The following STAC variants were observed in gnomAD, a reference collection of about 807,000 sequenced individuals.
The protein encoded by STAC is SH3 and cysteine rich domain, also known as SH3 and cysteine-rich domain-containing protein.
A neutral mutation model predicts 48.8 loss-of-function variants in STAC; 43 were observed. The ratio of observed to expected loss-of-function variants is 0.88; its 90% CI spans 0.69 to 1.14. The LOEUF (loss-of-function observed/expected upper bound fraction) is 1.14. Among genes scored for constraint, STAC ranks in the 50% most tolerant of loss-of-function variants. STAC has a pLI of 0.00. For missense variants in STAC, 497 were observed against 504.0 expected, an observed-to-expected ratio of 0.99 and a Z score of 0.13; for synonymous variants, 193 against 179.5, an observed-to-expected ratio of 1.07 and a Z score of -0.60.
At position 36,483,084 on chromosome 3, in the gene STAC, G is replaced by A. The variant is rs1697700522; in HGVS notation, c.481G>A (p.Gly161Ser). The A allele has an allele frequency of 1.9e-6, 3 of 1,613,696 alleles. No individual in the cohort carries two copies. In the East Asian group the frequency reaches 6.7e-5, roughly 36 times the overall value. The change falls in exon 3 of 11, where the codon GGC (glycine) becomes AGC (serine). Residue 161 changes from glycine to serine, a missense_variant. By Grantham distance (56) the Gly-to-Ser change is moderately conservative. Coordinates refer to ENST00000273183, the MANE Select transcript of STAC (RefSeq NM_003149.3). ...TDGLAPQRCM[G>S]KLPKGFRRYY... The stretch of plus-strand genomic sequence containing the variant: ...TGGCCTGGCACCCCAGCGGTGCATG[G>A]GCAAGCTGGTAAGGGCTTGTGCCAG...
intron 8 of STAC, among the ~76,000 whole-genome samples, chr3:36,516,205 A>C (rs1180665148): frequency 1.3e-5 from 2 of 151,524 alleles, no homozygotes; most frequent in Non-Finnish European, 2.9e-5. Context: ...GCTGGTCTCA[A>C]ACTCCTGACC....
intron 8 of STAC, among the ~76,000 whole-genome samples, chr3:36,513,080 T>C (rs757950727): frequency 6.6e-6 from 1 of 152,080 alleles, no homozygotes; most frequent in Non-Finnish European, 1.5e-5. Context: ...AGTGTGAGCT[T>C]GAAGACAAAG....
At chr3:36,401,438 C>T (rs546828332) in intron 1 of STAC, among the ~76,000 whole-genome samples, 1 of 152,252 alleles carries the variant, frequency 6.6e-6, no homozygotes, top group South Asian at 2.1e-4. Context: ...ACCTTAAGGA[C>T]CTCGATAGAA....
At chr3:36,502,983 G>C (rs1206669027) in intron 6 of STAC, among the ~76,000 whole-genome samples, 1 of 152,172 alleles carries the variant, frequency 6.6e-6, no homozygotes, top group African/African-American at 2.4e-5. Flanking sequence ...CATTTACAGA[G>C]GCTCTTGTTC....
At chr3:36,493,977 C>T (rs1698064476) in intron 6 of STAC, among the ~76,000 whole-genome samples, 1 of 150,924 alleles carries the variant, frequency 6.6e-6, no homozygotes, top group South Asian at 2.1e-4. Flanking sequence ...GGTGAAACCC[C>T]GTCTCTACTA....
chr3:36,515,731 T>C (rs1299464530), intron 8 of STAC, among the ~76,000 whole-genome samples: 2 of 152,050 alleles, frequency 1.3e-5, no homozygotes, highest in African/African-American at 4.8e-5. Context: ...TGCTTTCTAG[T>C]CTTGTCTTTG....
intron 1 of STAC, among the ~76,000 whole-genome samples, chr3:36,412,542 C>T (rs1008093143): frequency 1.3e-5 from 2 of 152,120 alleles, no homozygotes; most frequent in African/African-American, 4.8e-5. Context: ...AGACTGAGAA[C>T]TGCTTTAAGA....
intron 1 of STAC, among the ~76,000 whole-genome samples, chr3:36,393,841 AT>A (rs1699800278): frequency 6.6e-6 from 1 of 151,922 alleles, no homozygotes; most frequent in Non-Finnish European, 1.5e-5. Context: ...AGTCTGTGGT[AT>A]TCTTATTACA....
chr3:36,417,838 C>G (rs1700355039), intron 1 of STAC, among the ~76,000 whole-genome samples: 1 of 152,182 alleles, frequency 6.6e-6, no homozygotes, highest in South Asian at 2.1e-4. Flanking sequence ...CATTCCTTTG[C>G]AGATAATTAT....
At chr3:36,439,827 T>G (rs1438949191) in intron 1 of STAC, among the ~76,000 whole-genome samples, 1 of 152,140 alleles carries the variant, frequency 6.6e-6, no homozygotes, top group Admixed American at 6.5e-5. Context: ...AGGTGTCCTC[T>G]TCAAAACCAA....
At chr3:36,486,346 T>C (rs1022612420) in intron 5 of STAC, 97 bp downstream of exon 5, 2 of 1,066,424 alleles carry the variant, frequency 1.9e-6, no homozygotes, top group Non-Finnish European at 2.7e-6. Flanking sequence ...GACTGCCTCA[T>C]GAGGGCAGGT....
chr3:36,447,649 CCACACACACACACACA>C (rs3061960), intron 2 of STAC, among the ~76,000 whole-genome samples: 10 of 146,314 alleles, frequency 6.8e-5, no homozygotes, highest in East Asian at 2.0e-4. Flanking sequence ...TGTATACACA[CCACACACACACACACA>C]CACACACACA....
chr3:36,546,103 C>T (rs776475292), intron 10 of STAC, 88 bp from the exon 11 acceptor site: 32 of 1,074,604 alleles, frequency 3.0e-5, no homozygotes, highest in Non-Finnish European at 4.2e-5. Context: ...CTCCTGCAAC[C>T]TCAGTCAGCA....
At chr3:36,448,428 C>T (rs1696581804) in intron 2 of STAC, among the ~76,000 whole-genome samples, 1 of 151,906 alleles carries the variant, frequency 6.6e-6, no homozygotes. Flanking sequence ...CGCATGTTGG[C>T]CAGGCTGGTC....
At chr3:36,381,171 A>G (rs62245719) in intron 1 of STAC, among the ~76,000 whole-genome samples, 34,901 of 152,040 alleles carry the variant, frequency 0.23, 4,734 homozygotes, top group African/African-American at 0.39. Flanking sequence ...TATGTATCCC[A>G]AGGGTCTCAG....
intron 2 of STAC, among the ~76,000 whole-genome samples, chr3:36,477,811 G>A (rs1258891853): frequency 1.3e-5 from 2 of 152,146 alleles, no homozygotes. Flanking sequence ...GCCCCGGGAA[G>A]AACTGATGAC....
At position 36,443,844 on chromosome 3, in the gene STAC, G is replaced by A. The variant is rs61273647; in HGVS notation, c.388+204G>A. Among the ~76,000 whole-genome samples the A allele has an allele frequency of 0.013, 2,000 of 152,318 alleles. 20 individuals are homozygous for A. The highest frequency in any genetic ancestry group is 0.016 in the Non-Finnish European group (1,073 of 68,028). ...TGGGTAGTGGGAGAAGTTGGGTTGT[G>A]ATATAGTTGTAATCAGGACTTCAGC... On this transcript the variant is annotated intron_variant, in intron 2 of 10. Coordinates refer to ENST00000273183, the MANE Select transcript of STAC (RefSeq NM_003149.3). This position sits in a 1 kb window ranked among gnomAD's most constrained non-coding sequence, Gnocchi z 4.2.
intron 10 of STAC, among the ~76,000 whole-genome samples, chr3:36,529,447 A>G (rs1323948130): frequency 1.3e-5 from 2 of 152,176 alleles, no homozygotes; most frequent in African/African-American, 4.8e-5. Flanking sequence ...CCTTCATATC[A>G]TTGCAAAAGA....
chr3:36,447,881 T>C (rs889854900), intron 2 of STAC, among the ~76,000 whole-genome samples: 1 of 152,230 alleles, frequency 6.6e-6, no homozygotes, highest in African/African-American at 2.4e-5. Context: ...TTGTAAATAA[T>C]AAAATACAAA....
Sources: allele counts gnomAD v4.1 joint callset (sites outside exome capture counted in the v4.1 genomes callset), GRCh38; gene constraint gnomAD v4.1.1; non-coding constraint Gnocchi (gnomAD v3.1); transcripts MANE v1.5; gene names NCBI Gene and HGNC (gene_info 2026-07-23, HGNC 2026-07-21).